The following ITGA2B variants were observed in gnomAD, a reference collection of about 807,000 sequenced individuals.
The protein encoded by ITGA2B is integrin alpha-IIb.
In ITGA2B, 91 loss-of-function variants were observed where a neutral mutation model predicts 142.0. That is an observed-to-expected ratio of 0.64 (90% CI 0.54 to 0.76). ITGA2B has a LOEUF of 0.76. Among genes scored for constraint, ITGA2B ranks in the 30% least tolerant of loss-of-function variants. ITGA2B has a pLI of 0.00. For synonymous variants in ITGA2B, 536 were observed against 567.2 expected, an observed-to-expected ratio of 0.94 and a Z score of 0.78; for missense variants, 1,231 against 1,350.8, an observed-to-expected ratio of 0.91 and a Z score of 1.39.
At chr17:44,375,798 C>T (rs1420262766) in intron 25 of ITGA2B, 35 bp downstream of exon 25, 17 of 1,558,912 alleles carry the variant, frequency 1.1e-5, no homozygotes, top group Non-Finnish European at 1.4e-5. Flanking sequence ...GGTCTGGGGC[C>T]GCCTTCCCAG....
rs1170469966 is a variant in ITGA2B, at chr17:44,380,252, T to G, written c.1594A>C (p.Lys532Gln). 6.2e-7 allele frequency: 1 copy of G among 1,614,136 alleles called. No homozygotes were observed. The change falls in exon 16 of 30, where the codon AAG becomes CAG. Residue 532 changes from lysine (K) to glutamine (Q), a missense_variant. Physicochemically the swap from Lys to Gln is moderately conservative, Grantham distance 53 (BLOSUM62 1). Around this residue, in one of 3 missense-constraint regions of ITGA2B, gnomAD observed 908 missense variants for 1,021.1 expected, o/e 0.89. Transcript: ENST00000262407. ...CCCCCTTCATGCCACTCACATAGCT[T>G]CTGAGGAATGTTGTGCCCAGTGGCT... ...VGATGHNIPQ[K>Q]LSLNAELQLD...
chr17:44,375,925 G>C lies in ITGA2B; in HGVS notation c.2509C>G (p.Gln837Glu). The C allele has an allele frequency of 6.2e-7, 1 of 1,613,892 alleles. No individual in the cohort carries two copies. Among genetic ancestry groups the C allele is most frequent in the South Asian group, 1.1e-5 (1 of 90,976 alleles). Residue 837 changes from glutamine (Q) to glutamate (E), a missense_variant, in exon 25 of 30, where the codon CAG (glutamine) becomes GAG (glutamate). Transcript: ENST00000262407. ...TAGAGCAGGTCGGAGGGCTGGGACT[G>C]TCCCGGAAGGTGGATGCTGAGGTGA... ...GLHLSIHLPGQSQPSDLLYIL... is the reference protein window; with the variant it reads ...GLHLSIHLPGESQPSDLLYIL...
At chr17:44,378,101 A>T (rs1163492649) in intron 20 of ITGA2B, among the ~76,000 whole-genome samples, 1 of 152,098 alleles carries the variant, frequency 6.6e-6, no homozygotes, top group African/African-American at 2.4e-5. Flanking sequence ...AAAAGACTGG[A>T]AGGAAATCCA....
At chr17:44,374,886 T>A (rs989245624) in intron 27 of ITGA2B, 112 bp downstream of exon 27, 8 of 1,271,864 alleles carry the variant, frequency 6.3e-6, no homozygotes, top group Non-Finnish European at 8.9e-6. Flanking sequence ...TCCCCCAAAG[T>A]AAACCTTGCC....
At chr17:44,376,956 CG>C in intron 22 of ITGA2B, 52 bp downstream of exon 22, 3 of 1,446,514 alleles carry the variant, frequency 2.1e-6, no homozygotes, top group Non-Finnish European at 1.9e-6. Context: ...GGGCTCTGCA[CG>C]GGGGTCAGAC....
At chr17:44,384,688 T>C (rs1178792964) in intron 7 of ITGA2B, 103 bp from the exon 8 acceptor site, 8 of 1,419,516 alleles carry the variant, frequency 5.6e-6, no homozygotes, top group South Asian at 4.6e-5. Context: ...CAGCCCTGCA[T>C]TGTGCAGATG....
intron 9 of ITGA2B, 79 bp downstream of exon 9, chr17:44,384,232 G>A: frequency 6.3e-7 from 1 of 1,586,014 alleles, no homozygotes; most frequent in Non-Finnish European, 8.6e-7. Context: ...GGCGGGGCGG[G>A]GGTGGGGGGC....
In ITGA2B at chr17:44,375,693, G is replaced by A. The variant is rs2048535703; in HGVS notation, c.2625C>T (p.Pro875=). 6.3e-7 allele frequency: 1 copy of A among 1,596,542 alleles called. No individual in the cohort carries two copies. The highest frequency in any genetic ancestry group is 8.5e-7 in the Non-Finnish European group (1 of 1,171,838). The change falls in exon 26 of 30, where the codon CCC becomes CCT. Residue 875 remains proline, a synonymous_variant. Coordinates refer to ENST00000262407, the MANE Select transcript of ITGA2B (RefSeq NM_000419.5). ...GGGCCGGGTGAATGGGGGAGGGGCT[G>A]GGGATGGGCAGCCCCCAGTCCACCT... ...PLKVDWGLPI[P]SPSPIHPAHH...
Position 44,380,140 on chromosome 17 carries a change from C to A in ITGA2B, c.1614G>T (p.Glu538Asp). The A allele has an allele frequency of 6.2e-7, 1 of 1,613,814 alleles. No individual in the cohort carries two copies. The highest frequency in any genetic ancestry group is 8.5e-7 in the Non-Finnish European group (1 of 1,179,976). The part of the protein sequence containing the change: ...NIPQKLSLNA[E>D]LQLDRQKPRQ... ...GGGGCTTCTGCCGGTCCAGCTGCAG[C>A]TCGGCATTTAGGGCTGGCAGGGCAA... is the stretch of plus-strand genomic sequence containing the variant. Residue 538 changes from glutamate to aspartate, a missense_variant, in exon 17 of 30, where the codon GAG becomes GAT. Transcript: ENST00000262407.
intron 12 of ITGA2B, among the ~76,000 whole-genome samples, chr17:44,382,508 A>AT (rs58767264): frequency 0.011 from 1,580 of 140,808 alleles, 10 homozygotes; most frequent in South Asian, 0.014. Context: ...TTCTTTCTCT[A>AT]TTTTTTTTTT....
Position 44,376,381 on chromosome 17 carries a change from T to A in ITGA2B, c.2275A>T (p.Ser759Cys), listed in dbSNP as rs764694431. The change falls in exon 23 of 30, where the codon AGC becomes TGC. Residue 759 changes from serine to cysteine, a missense_variant. Ser to Cys is a moderately radical substitution (Grantham distance 112). Coordinates refer to ENST00000262407, the MANE Select transcript of ITGA2B (RefSeq NM_000419.5). The part of the protein sequence containing the change: ...SFQLQIRSKN[S>C]QNPNSKIVLL... ...ACAATCTTGCTGTTTGGATTCTGGC[T>A]GTTCTTGCTAGAGGGGAGGGGATGA... 6.2e-7 allele frequency: 1 copy of A among 1,614,124 alleles called. No individual in the cohort carries two copies. Among genetic ancestry groups the A allele is most frequent in the South Asian group, 1.1e-5 (1 of 91,082 alleles).
chr17:44,380,065 G>A lies in ITGA2B; in HGVS notation c.1689C>T (p.Thr563=). 1.2e-6 allele frequency: 2 copies of A among 1,614,080 alleles called. No homozygotes were observed. The highest frequency in any genetic ancestry group is 2.2e-5 in the South Asian group (2 of 91,080). ...GCTTTCCGCCCAGATCCAGGTTCAG[G>A]GTGGTGCCTGCCTGTTGAGAGCCCA... ...LLLGSQQAGT[T]LNLDLGGKHS... The change falls in exon 17 of 30, where the codon ACC becomes ACT. Residue 563 remains threonine, a synonymous_variant. Transcript: ENST00000262407.
chr17:44,379,691 G>A lies in ITGA2B; in HGVS notation c.1876C>T (p.Gln626Ter), dbSNP rs1190612716. Reference sequence around the variant, plus strand: ...GGCCTGTCCCTGCCTGTCCCTACCTGCTCCTGCACATGGGTGTCTCCATGC... The same window carrying A: ...GGCCTGTCCCTGCCTGTCCCTACCTACTCCTGCACATGGGTGTCTCCATGC... ...VLHGDTHVQE[Q>*]TRIVLDCGED... The change falls in exon 18 of 30, where the codon CAG (glutamine) becomes TAG (stop). Residue 626 changes from glutamine to a stop codon, truncating the protein, a stop_gained and splice_region_variant. Transcript: ENST00000262407. LOFTEE classifies it high-confidence loss of function. The A allele has an allele frequency of 6.2e-7, 1 of 1,613,718 alleles. No individual in the cohort carries two copies. The highest frequency in any genetic ancestry group is 1.1e-5 in the South Asian group (1 of 91,076).
Position 44,384,234 on chromosome 17 carries a change from G to C in ITGA2B, c.891+77C>G. The C allele has an allele frequency of 4.5e-6, 7 of 1,569,854 alleles. No homozygotes were observed. In the East Asian group the frequency reaches 9.0e-5, roughly 20 times the overall value. On this transcript the variant is annotated intron_variant, in intron 9 of 29. Coordinates refer to ENST00000262407, the MANE Select transcript of ITGA2B (RefSeq NM_000419.5). Reference sequence around the variant, plus strand: ...GTGGTTTGGTGGAGGCGGGGCGGGGGTGGGGGGCGCTCAGGAGTTGTCAGC... The same window carrying C: ...GTGGTTTGGTGGAGGCGGGGCGGGGCTGGGGGGCGCTCAGGAGTTGTCAGC...
rs1164268058 is a variant in ITGA2B, at chr17:44,385,854, C to A, written c.378G>T (p.Ala126=). Residue 126 remains alanine (A), a synonymous_variant, in exon 3 of 30, where the codon GCG becomes GCT. Coordinates refer to ENST00000262407, the MANE Select transcript of ITGA2B (RefSeq NM_000419.5). ...QTFKARQGLG[A]SVVSWSDVIV... is the part of the protein sequence containing the mutation. ...TGACGTCGCTCCAGCTGACGACCGACGCCCCCAGTCCTTGGCGGGCCTTGA... is the reference window on the plus strand; with the variant it reads ...TGACGTCGCTCCAGCTGACGACCGAAGCCCCCAGTCCTTGGCGGGCCTTGA... 2.5e-6 allele frequency: 4 copies of A among 1,605,006 alleles called. No individual in the cohort carries two copies. The African/African-American group carries it at 5.4e-5, about 21-fold the overall frequency.
At chr17:44,379,601 G>A (rs2048575625) in intron 18 of ITGA2B, 88 bp downstream of exon 18, 6 of 1,594,076 alleles carry the variant, frequency 3.8e-6, no homozygotes, top group Admixed American at 1.7e-5. Context: ...AAGGTTTTGG[G>A]GTTCACATTG....
At chr17:44,374,948 G>C (rs1334467361) in intron 27 of ITGA2B, 50 bp downstream of exon 27, 1 of 1,391,738 alleles carries the variant, frequency 7.2e-7, no homozygotes, top group African/African-American at 1.4e-5. Flanking sequence ...CCAGAGCAAA[G>C]TGGTCCCCGC....
rs372294932 is a variant in ITGA2B, at chr17:44,380,898, G to A, written c.1374C>T (p.Ile458=). 6.8e-6 allele frequency: 11 copies of A among 1,614,108 alleles called. No individual in the cohort carries two copies. Among genetic ancestry groups the A allele is most frequent in the African/African-American group, 2.7e-5 (2 of 74,932 alleles). The change falls in exon 13 of 30, where the codon ATC becomes ATT. Residue 458 remains isoleucine, a synonymous_variant. Transcript: ENST00000262407. ...GGGCACCTGGGTATCCGTTGTCATCGATGTCTACGGCACCTCGAAGGGAGA... is the reference window on the plus strand; with the variant it reads ...GGGCACCTGGGTATCCGTTGTCATCAATGTCTACGGCACCTCGAAGGGAGA... ...FGFSLRGAVD[I]DDNGYPDLIV... is the part of the protein sequence containing the mutation.
At position 44,372,378 on chromosome 17, in the gene ITGA2B, C is replaced by T; in HGVS notation, c.3106G>A (p.Glu1036Lys). ...AGGCTGCACCATCACTCCCCCTCTT[C>T]ATCATCTTCTTCCAGGGGTGGCCGG... ...RNRPPLEEDD[E>K]EGE The change falls in exon 30 of 30, where the codon GAA becomes AAA. Residue 1036 changes from glutamate to lysine, a missense_variant. Physicochemically the swap from Glu to Lys is moderately conservative, Grantham distance 56. Coordinates refer to ENST00000262407, the MANE Select transcript of ITGA2B (RefSeq NM_000419.5). 1 of 1,614,088 alleles carries T rather than the reference C, an allele frequency of 6.2e-7. No homozygotes were observed. The highest frequency in any genetic ancestry group is 8.5e-7 in the Non-Finnish European group (1 of 1,179,994).
Sources: allele counts gnomAD v4.1 joint callset (sites outside exome capture counted in the v4.1 genomes callset), GRCh38; gene constraint gnomAD v4.1.1; regional missense constraint gnomAD v4.1.1; transcripts MANE v1.5; gene names NCBI Gene and HGNC (gene_info 2026-07-23, HGNC 2026-07-21).